Variants in DLG2 observed in about 807,000 individuals in gnomAD.
DLG2 encodes disks large homolog 2.
Under a neutral mutation model 132.5 loss-of-function variants are expected in DLG2, and 45 were observed. That is an observed-to-expected ratio of 0.34 (90% confidence interval 0.27 to 0.44). The LOEUF (loss-of-function observed/expected upper bound fraction) is 0.44. Among genes scored for constraint, DLG2 ranks in the 20% least tolerant of loss-of-function variants. The pLI, the probability that DLG2 is intolerant of heterozygous loss-of-function variation, is 1.00. For synonymous variants in DLG2, 424 were observed against 419.6 expected (o/e 1.01, Z -0.13); for missense variants, 1,045 against 1,196.9 (o/e 0.87, Z 1.87).
At chr11:84,131,948 T>G (rs1047396466) in intron 9 of DLG2, among the ~76,000 whole-genome samples, 3 of 141,676 alleles carry the variant, frequency 2.1e-5, no homozygotes, top group African/African-American at 8.5e-5. Flanking sequence ...CTACTTATTG[T>G]TTTTTTTTTG....
intron 7 of DLG2, among the ~76,000 whole-genome samples, chr11:84,290,845 T>C (rs981518172): frequency 6.6e-6 from 1 of 152,152 alleles, no homozygotes. Flanking sequence ...ATGTGAGTCA[T>C]CCAAGGTTTG....
At chr11:84,686,180 G>A (rs1268257603) in intron 6 of DLG2, among the ~76,000 whole-genome samples, 2 of 152,184 alleles carry the variant, frequency 1.3e-5, no homozygotes, top group African/African-American at 4.8e-5. Context: ...CCTGACTGTA[G>A]CTCTGCCTGC....
intron 17 of DLG2, among the ~76,000 whole-genome samples, chr11:83,830,461 T>G (rs1480396388): frequency 1.3e-5 from 2 of 152,228 alleles, no homozygotes; most frequent in East Asian, 3.8e-4. Context: ...TTAGAGAGTC[T>G]AATGCCATCT....
chr11:85,133,657 T>C lies in DLG2; in HGVS notation c.282+20899A>G, dbSNP rs528427789. ...GAACATATAAATGAATATTATGAAA[T>C]TGGGGTGGGAGGAGGTTCTAAAGTG... On this transcript the variant is annotated intron_variant, in intron 5 of 27. Transcript: ENST00000376104. Among the ~76,000 whole-genome samples, 50 of 152,248 alleles carry C rather than the reference T, an allele frequency of 3.3e-4. 1 individual carries two copies. Among genetic ancestry groups the C allele is most frequent in the African/African-American group, 1.1e-3 (45 of 41,550 alleles).
rs769709898 is a variant in DLG2 at position 83,456,917 on chromosome 11, C to T, written c.*2901G>A. ...CCTGCAAATAAATAGCCAAGAAATCCCGCAAAAGGCCTGCAAATAAATGGC... is the reference window on the plus strand; with the variant it reads ...CCTGCAAATAAATAGCCAAGAAATCTCGCAAAAGGCCTGCAAATAAATGGC... On this transcript the variant is annotated 3_prime_UTR_variant, in exon 28 of 28. Coordinates refer to ENST00000376104, the MANE Select transcript of DLG2 (RefSeq NM_001142699.3). 2.0e-5 allele frequency: 3 copies of T among 152,694 alleles called. No individual in the cohort carries two copies. In the East Asian group the frequency reaches 5.8e-4, roughly 29 times the overall value. The allele number at this position is 152,694 out of a possible 1,614,324, so 9.5% of individuals were successfully genotyped here. A position where few individuals can be genotyped will look rare whatever the true frequency, so the allele number is the denominator to read the frequency against.
intron 18 of DLG2, among the ~76,000 whole-genome samples, chr11:83,683,835 C>T (rs1341989986): frequency 6.6e-6 from 1 of 151,972 alleles, no homozygotes; most frequent in Non-Finnish European, 1.5e-5. Context: ...GGGAAAAAGC[C>T]CTAAAGAGAC....
At chr11:83,602,283 C>T (rs116916012) in intron 19 of DLG2, among the ~76,000 whole-genome samples, 3,173 of 152,288 alleles carry the variant, frequency 0.021, 57 homozygotes, top group Non-Finnish European at 0.029. Flanking sequence ...TGATTTGACC[C>T]GTGCTCTGAC....
intron 3 of DLG2, among the ~76,000 whole-genome samples, chr11:85,538,661 T>A (rs2153201895): frequency 6.6e-6 from 1 of 151,922 alleles, no homozygotes; most frequent in Admixed American, 6.6e-5. Flanking sequence ...TATGCAGCCA[T>A]AAAAAATGAT....
At chr11:83,986,978 A>G (rs1412760485) in intron 11 of DLG2, among the ~76,000 whole-genome samples, 1 of 152,130 alleles carries the variant, frequency 6.6e-6, no homozygotes, top group Non-Finnish European at 1.5e-5. Context: ...TCAGATAAGT[A>G]GGTTGCGAAA....
At chr11:85,494,382 T>C (rs2093626423) in intron 3 of DLG2, among the ~76,000 whole-genome samples, 1 of 152,178 alleles carries the variant, frequency 6.6e-6, no homozygotes, top group Admixed American at 6.5e-5. Flanking sequence ...GCTCAGTGTG[T>C]CTAGTTATAT....
At chr11:84,444,288 G>T (rs1651934009) in intron 7 of DLG2, among the ~76,000 whole-genome samples, 1 of 152,074 alleles carries the variant, frequency 6.6e-6, no homozygotes, top group African/African-American at 2.4e-5. Flanking sequence ...TCTAGGTGAT[G>T]GGTTGGTGAT....
chr11:85,010,061 G>T (rs2059018804), intron 6 of DLG2, among the ~76,000 whole-genome samples: 1 of 151,978 alleles, frequency 6.6e-6, no homozygotes, highest in Non-Finnish European at 1.5e-5. Context: ...GTACAAGCTG[G>T]GGTACCTATA....
intron 11 of DLG2, among the ~76,000 whole-genome samples, chr11:84,006,839 G>A (rs1342952008): frequency 1.3e-5 from 2 of 151,388 alleles, no homozygotes; most frequent in African/African-American, 4.8e-5. Flanking sequence ...CTCTGCTCAT[G>A]ATTTACTTTG....
At chr11:84,132,636 A>G (rs1372510394) in intron 9 of DLG2, among the ~76,000 whole-genome samples, 3 of 152,058 alleles carry the variant, frequency 2.0e-5, no homozygotes, top group African/African-American at 2.4e-5. Context: ...GGTAAACAAA[A>G]CAAGGATGAT....
chr11:84,807,887 C>T (rs1006616697), intron 6 of DLG2, among the ~76,000 whole-genome samples: 8 of 152,004 alleles, frequency 5.3e-5, no homozygotes, highest in Non-Finnish European at 7.4e-5. Flanking sequence ...AATAGACAAA[C>T]ACATAATTAT....
intron 6 of DLG2, among the ~76,000 whole-genome samples, chr11:84,812,404 A>C (rs2076658816): frequency 6.6e-6 from 1 of 152,174 alleles, no homozygotes; most frequent in Non-Finnish European, 1.5e-5. Context: ...AGCACAGAAT[A>C]GTATCTGATA....
At position 83,948,307 on chromosome 11, in the gene DLG2, G is replaced by T. The variant is rs188851694; in HGVS notation, c.1340+14578C>A. Among the ~76,000 whole-genome samples, 402 of 152,152 alleles carry T rather than the reference G, an allele frequency of 2.6e-3. 3 individuals are homozygous for T. Among genetic ancestry groups the T allele is most frequent in the Admixed American group, 3.4e-3 (52 of 15,284 alleles). On this transcript the variant is annotated intron_variant, in intron 14 of 27. Transcript: ENST00000376104. ...TTAAAGAAAACCTAGGATGGGGGTG[G>T]ATATTTAAATGTTTACATGCAGTGA...
At chr11:84,892,483 G>T (rs77292553) in intron 6 of DLG2, among the ~76,000 whole-genome samples, 14,389 of 151,976 alleles carry the variant, frequency 0.095, 869 homozygotes, top group African/African-American at 0.17. Flanking sequence ...TTAAACATTT[G>T]CTGGATGGAT....
At chr11:84,666,415 T>C (rs931930644) in intron 6 of DLG2, among the ~76,000 whole-genome samples, 7 of 152,170 alleles carry the variant, frequency 4.6e-5, no homozygotes, top group Non-Finnish European at 7.3e-5. Flanking sequence ...CTTGACAGCC[T>C]CTCTTTAATC....
Sources: gnomAD v4.1 joint callset for allele counts (sites outside exome capture counted in the v4.1 genomes callset) on GRCh38, gnomAD v4.1.1 for gene constraint, MANE v1.5 for transcripts, NCBI Gene and HGNC (gene_info 2026-07-23, HGNC 2026-07-21) for gene names.